The following CUBN variants were observed in gnomAD, a reference collection of about 807,000 sequenced individuals.
CUBN encodes the protein cubilin, also known as 460 kDa receptor.
CUBN carries 282 observed loss-of-function variants against 405.3 expected under a neutral mutation model. The ratio of observed to expected loss-of-function variants is 0.70; its 90% CI spans 0.63 to 0.77. The LOEUF is 0.77. Among genes scored for constraint, CUBN ranks in the 30% least tolerant of loss-of-function variants. The pLI is 0.00. For synonymous variants in CUBN, 1,684 were observed against 1,617.0 expected (o/e 1.04, Z -0.99); for missense variants, 4,514 against 4,475.2 (o/e 1.01, Z -0.25).
At chr10:17,070,245 A>G (rs1251027107) in intron 19 of CUBN, among the ~76,000 whole-genome samples, 1 of 152,244 alleles carries the variant, frequency 6.6e-6, no homozygotes, top group African/African-American at 2.4e-5. Flanking sequence ...CCTTACTTCA[A>G]TAAGATACTG....
chr10:16,835,528 G>A (rs535693974), intron 63 of CUBN, among the ~76,000 whole-genome samples: 54 of 151,662 alleles, frequency 3.6e-4, no homozygotes, highest in Admixed American at 2.9e-3. Flanking sequence ...CTCTCTTTTC[G>A]ACAAGGATGC....
intron 36 of CUBN, among the ~76,000 whole-genome samples, chr10:16,940,708 C>A (rs538807652): frequency 1.3e-5 from 2 of 151,922 alleles, no homozygotes; most frequent in African/African-American, 4.8e-5. Flanking sequence ...CAGAGAAGGG[C>A]GGGACATATT....
chr10:16,831,395 T>C lies in CUBN; in HGVS notation c.10385A>G (p.Asn3462Ser), dbSNP rs1447925920. ...ACAGTACTTGCCCAGTAATGGTGAA[T>C]TGCTGTTACTTCCATTTCTCACCTT... ...FLEVRNGSNS[N>S]SPLLGKYCGT... Residue 3462 changes from asparagine to serine, a missense_variant, in exon 65 of 67, where the codon AAT becomes AGT. Transcript: ENST00000377833. 13 of 1,613,962 alleles carry C rather than the reference T, an allele frequency of 8.1e-6. No homozygotes were observed. The highest frequency in any genetic ancestry group is 1.1e-5 in the Non-Finnish European group (13 of 1,179,908).
At chr10:17,115,277 TA>T (rs1189245830) in intron 7 of CUBN, among the ~76,000 whole-genome samples, 193 bp downstream of exon 7, 2 of 151,116 alleles carry the variant, frequency 1.3e-5, no homozygotes, top group African/African-American at 4.9e-5. Flanking sequence ...CTATTTTACA[TA>T]ATGACATCTT....
chr10:17,122,476 C>G, intron 6 of CUBN: 1 of 417,266 alleles, frequency 2.4e-6, no homozygotes, highest in South Asian at 2.0e-5. Context: ...CCCTTCAATG[C>G]TCCGGCTCTT....
intron 28 of CUBN, among the ~76,000 whole-genome samples, chr10:17,013,663 T>C (rs1398335950): frequency 6.6e-6 from 1 of 152,222 alleles, no homozygotes; most frequent in African/African-American, 2.4e-5. Flanking sequence ...AGCACGGGCA[T>C]GTAGGATTAG....
intron 14 of CUBN, among the ~76,000 whole-genome samples, chr10:17,090,207 T>C (rs950087847): frequency 1.4e-4 from 21 of 152,202 alleles, no homozygotes; most frequent in Non-Finnish European, 2.8e-4. Flanking sequence ...TATGCTCTGA[T>C]TATGGAGTAA....
At chr10:16,897,220 G>C (rs777410206) in intron 54 of CUBN, among the ~76,000 whole-genome samples, 9 of 152,152 alleles carry the variant, frequency 5.9e-5, no homozygotes, top group Non-Finnish European at 1.0e-4. Context: ...TGTTCTTTCT[G>C]ATTGTACCCA....
At chr10:17,082,123 GA>G (rs1414370485) in intron 17 of CUBN, among the ~76,000 whole-genome samples, 1 of 152,078 alleles carries the variant, frequency 6.6e-6, no homozygotes, top group African/African-American at 2.4e-5. Context: ...CTTTGTTCCA[GA>G]AAAACCTTGC....
intron 60 of CUBN, among the ~76,000 whole-genome samples, chr10:16,850,867 G>A (rs557055901): frequency 1.3e-5 from 2 of 152,306 alleles, no homozygotes; most frequent in South Asian, 2.1e-4. Flanking sequence ...CAAATTAAGA[G>A]GTGATTATTT....
chr10:16,848,074 C>T (rs146954447), intron 60 of CUBN, among the ~76,000 whole-genome samples: 1 of 151,858 alleles, frequency 6.6e-6, no homozygotes, highest in Admixed American at 6.5e-5. Context: ...TAGTTCTGAA[C>T]AGAATTTATT....
At chr10:17,111,897 C>T (rs1173833622) in intron 8 of CUBN, among the ~76,000 whole-genome samples, 2 of 152,204 alleles carry the variant, frequency 1.3e-5, no homozygotes, top group Admixed American at 6.5e-5. Context: ...GCACTCCAGC[C>T]TGGGCGAGAC....
chr10:17,066,954 T>C (rs1218485213), intron 21 of CUBN, among the ~76,000 whole-genome samples: 5 of 152,022 alleles, frequency 3.3e-5, no homozygotes. Flanking sequence ...ACAACAAACC[T>C]TCAGAGACAG....
At chr10:17,009,273 C>T (rs1013252684) in intron 28 of CUBN, among the ~76,000 whole-genome samples, 38 of 152,212 alleles carry the variant, frequency 2.5e-4, no homozygotes, top group Admixed American at 8.5e-4. Flanking sequence ...ATAACTCTGG[C>T]TCCAAGTTTC....
chr10:17,021,666 G>A (rs969756950), intron 27 of CUBN, among the ~76,000 whole-genome samples: 6 of 152,368 alleles, frequency 3.9e-5, no homozygotes, highest in Middle Eastern at 3.4e-3. Context: ...GTTATGACAT[G>A]AAATATTGTT....
chr10:17,125,568 G>A (rs888081561), intron 4 of CUBN, among the ~76,000 whole-genome samples: 6 of 152,152 alleles, frequency 3.9e-5, no homozygotes, highest in Non-Finnish European at 8.8e-5. Context: ...TCAGACAAAA[G>A]CAACACTGTC....
chr10:17,054,347 A>AAC (rs397780252), intron 22 of CUBN, among the ~76,000 whole-genome samples: 1 of 150,874 alleles, frequency 6.6e-6, no homozygotes, highest in Non-Finnish European at 1.5e-5. Flanking sequence ...AAAAAAAAAA[A>AAC]CTGGGGAGGT....
chr10:16,966,284 C>T (rs956678314), intron 31 of CUBN, among the ~76,000 whole-genome samples: 1 of 152,160 alleles, frequency 6.6e-6, no homozygotes. Context: ...TAACAAAGAG[C>T]ACAGTGTCTG....
chr10:16,899,299 A>C, intron 53 of CUBN, 116 bp from the exon 54 acceptor site: 1 of 817,336 alleles, frequency 1.2e-6, no homozygotes, highest in South Asian at 1.4e-5. Flanking sequence ...CATTTTTTAC[A>C]AGTGATCATC....
Sources: gnomAD v4.1 joint callset for allele counts (sites outside exome capture counted in the v4.1 genomes callset) on GRCh38, gnomAD v4.1.1 for gene constraint, MANE v1.5 for transcripts, NCBI Gene and HGNC (gene_info 2026-07-23, HGNC 2026-07-21) for gene names.